TENM3: variants seen among roughly 807,000 people sequenced by gnomAD.
TENM3 encodes the protein teneurin-3.
Under a neutral mutation model 255.1 loss-of-function variants are expected in TENM3, and 63 were observed. The ratio of observed to expected loss-of-function variants is 0.25; its 90% CI spans 0.20 to 0.30. The LOEUF is 0.30. Among genes scored for constraint, TENM3 ranks in the 10% least tolerant of loss-of-function variants. The pLI is 1.00. For missense variants in TENM3, 2,929 were observed against 3,461.1 expected, an observed-to-expected ratio of 0.85 and a Z score of 3.86; for synonymous variants, 1,306 against 1,322.3, an observed-to-expected ratio of 0.99 and a Z score of 0.27.
the TENM3 span, among the ~76,000 whole-genome samples, chr4:181,624,229 C>T: frequency 1.3e-5 from 2 of 152,168 alleles, no homozygotes; most frequent in South Asian, 2.1e-4. Context: ...GACTTGTCCT[C>T]GCTCCAGAAT....
the TENM3 span, among the ~76,000 whole-genome samples, chr4:181,876,470 G>A: frequency 1.3e-5 from 2 of 152,158 alleles, no homozygotes; most frequent in South Asian, 2.1e-4. Context: ...GCTGTAATAC[G>A]TTTCCTCTGT....
chr4:182,157,693 G>A (rs1416973503), intron 1 of TENM3, among the ~76,000 whole-genome samples: 1 of 152,170 alleles, frequency 6.6e-6, no homozygotes, highest in African/African-American at 2.4e-5. Context: ...AGACTTGTCA[G>A]CATTTAGATG....
intron 3 of TENM3, among the ~76,000 whole-genome samples, chr4:182,371,010 A>C (rs965635148): frequency 1.3e-5 from 2 of 152,176 alleles, no homozygotes; most frequent in East Asian, 1.9e-4. Flanking sequence ...CTTAATATGA[A>C]GTTGAGACGT....
At chr4:182,328,913 C>T (rs1479951401) in intron 2 of TENM3, among the ~76,000 whole-genome samples, 1 of 151,978 alleles carries the variant, frequency 6.6e-6, no homozygotes, top group African/African-American at 2.4e-5. Flanking sequence ...TTCCCCACTG[C>T]CGGACCTCCC....
At chr4:182,368,399 G>GGGCC (rs1371581336) in intron 3 of TENM3, among the ~76,000 whole-genome samples, 1 of 152,124 alleles carries the variant, frequency 6.6e-6, no homozygotes, top group Non-Finnish European at 1.5e-5. Flanking sequence ...CCTGACCAGT[G>GGGCC]GGCCCTTTTA....
At chr4:182,085,495 T>C in the TENM3 span, among the ~76,000 whole-genome samples, 2 of 152,190 alleles carry the variant, frequency 1.3e-5, no homozygotes, top group Non-Finnish European at 2.9e-5. Flanking sequence ...ATATATAACA[T>C]ATTAAAGCAA....
At chr4:182,563,145 T>C (rs116424657) in intron 3 of TENM3, among the ~76,000 whole-genome samples, 1,721 of 152,294 alleles carry the variant, frequency 0.011, 31 homozygotes, top group African/African-American at 0.039. Flanking sequence ...CTGGGCATGG[T>C]GGCTCACACC....
the TENM3 span, among the ~76,000 whole-genome samples, chr4:181,833,613 T>C: frequency 2.6e-5 from 4 of 152,160 alleles, no homozygotes; most frequent in Non-Finnish European, 5.9e-5. Flanking sequence ...CATGACAAAT[T>C]CACACCTTTA....
the TENM3 span, among the ~76,000 whole-genome samples, chr4:181,978,298 C>G: frequency 2.0e-5 from 3 of 152,106 alleles, no homozygotes; most frequent in Non-Finnish European, 4.4e-5. Context: ...ACTGGCAGAA[C>G]CAGGATGAGA....
the TENM3 span, among the ~76,000 whole-genome samples, chr4:181,822,424 G>A: frequency 6.6e-6 from 1 of 152,128 alleles, no homozygotes; most frequent in Non-Finnish European, 1.5e-5. Context: ...TGTATTATAA[G>A]CTTTTAAAGG....
chr4:182,156,465 G>A (rs1047651014), intron 1 of TENM3, among the ~76,000 whole-genome samples: 2 of 152,036 alleles, frequency 1.3e-5, no homozygotes, highest in African/African-American at 4.8e-5. Flanking sequence ...CCCGGGCAGT[G>A]AGCATAGTAT....
intron 3 of TENM3, among the ~76,000 whole-genome samples, chr4:182,483,501 C>T (rs1018497435): frequency 6.6e-6 from 1 of 152,090 alleles, no homozygotes. Flanking sequence ...GTGATTTAAC[C>T]ATTGTTTCTA....
the TENM3 span, among the ~76,000 whole-genome samples, chr4:181,926,850 G>A: frequency 6.6e-6 from 1 of 151,720 alleles, no homozygotes; most frequent in Non-Finnish European, 1.5e-5. Context: ...AGTGGGTGCA[G>A]ACCACGGAAG....
At chr4:181,454,801 G>T in the TENM3 span, among the ~76,000 whole-genome samples, 2 of 147,658 alleles carry the variant, frequency 1.4e-5, no homozygotes, top group East Asian at 4.1e-4. Flanking sequence ...CAGCCTAGGA[G>T]CAATAGGCTG....
At chr4:182,698,375 T>A (rs1329131519) in intron 12 of TENM3, among the ~76,000 whole-genome samples, 1 of 152,174 alleles carries the variant, frequency 6.6e-6, no homozygotes, top group East Asian at 1.9e-4. Context: ...CCTTGTAGTG[T>A]CCCTCCTTCC....
chr4:182,572,746 A>G (rs780579262), intron 3 of TENM3, among the ~76,000 whole-genome samples: 6 of 152,238 alleles, frequency 3.9e-5, no homozygotes, highest in Non-Finnish European at 8.8e-5. Context: ...ATAGTTGCTC[A>G]CAGATTTGAT....
At chr4:181,481,061 A>T in the TENM3 span, among the ~76,000 whole-genome samples, 1 of 151,934 alleles carries the variant, frequency 6.6e-6, no homozygotes, top group African/African-American at 2.4e-5. Context: ...AATCAAAATT[A>T]AAAAGTTGAA....
At chr4:182,091,149 T>C in the TENM3 span, among the ~76,000 whole-genome samples, 752 of 152,204 alleles carry the variant, frequency 4.9e-3, 7 homozygotes, top group Non-Finnish European at 8.3e-3. Flanking sequence ...TCCCTCTCAA[T>C]AAAAAGAAAG....
At chr4:182,045,510 G>A in the TENM3 span, among the ~76,000 whole-genome samples, 6 of 152,074 alleles carry the variant, frequency 3.9e-5, no homozygotes, top group Non-Finnish European at 4.4e-5. Context: ...TCCTTTGTTA[G>A]GTCATTGCGT....
Sources: gnomAD v4.1 joint callset for allele counts (sites outside exome capture counted in the v4.1 genomes callset) on GRCh38, gnomAD v4.1.1 for gene constraint, MANE v1.5 for transcripts, NCBI Gene and HGNC (gene_info 2026-07-23, HGNC 2026-07-21) for gene names.